NXPE4: variants seen among roughly 807,000 people sequenced by gnomAD.
NXPE4 encodes the protein NXPE family member 4.
A neutral mutation model predicts 33.3 loss-of-function variants in NXPE4; 42 were observed. The observed-to-expected ratio is 1.26, with a 90% CI of 0.98 to 1.63. The LOEUF (loss-of-function observed/expected upper bound fraction) is 1.63. NXPE4 is among the 40% of genes most tolerant of loss of function. The probability of loss-of-function intolerance (pLI) is 0.00; values close to 1 mark genes in which losing one functional copy is unlikely to be tolerated. For missense variants in NXPE4, 709 were observed against 647.6 expected (o/e 1.09, Z -1.03); for synonymous variants, 253 against 234.9 (o/e 1.08, Z -0.71).
chr11:114,619,318 G>C, the NXPE4 span, among the ~76,000 whole-genome samples: 1 of 152,154 alleles, frequency 6.6e-6, no homozygotes, highest in Non-Finnish European at 1.5e-5. Context: ...TTCCCCGCTG[G>C]ATAATAAGTG....
chr11:114,655,931 A>C, the NXPE4 span, among the ~76,000 whole-genome samples: 13 of 152,306 alleles, frequency 8.5e-5, no homozygotes, highest in Admixed American at 7.2e-4. Context: ...TGGCTAGGGC[A>C]ATCAGGCAAG....
intron 1 of NXPE4, 61 bp from the exon 2 acceptor site, chr11:114,594,830 A>C: frequency 1.2e-6 from 1 of 869,494 alleles, no homozygotes; most frequent in Non-Finnish European, 1.8e-6. Context: ...AAGCAAACAA[A>C]CATGGGAAAC....
chr11:114,645,226 G>A, the NXPE4 span, among the ~76,000 whole-genome samples: 2 of 151,990 alleles, frequency 1.3e-5, no homozygotes, highest in African/African-American at 4.8e-5. Context: ...ACTTGAACCC[G>A]AGAGGCAGAA....
chr11:114,592,337 A>G (rs1246865310), intron 2 of NXPE4, among the ~76,000 whole-genome samples: 1 of 152,168 alleles, frequency 6.6e-6, no homozygotes, highest in East Asian at 1.9e-4. Flanking sequence ...TGCAGGATAC[A>G]AAATCAACAT....
the NXPE4 span, among the ~76,000 whole-genome samples, chr11:114,650,297 C>T: frequency 2.0e-5 from 3 of 152,158 alleles, no homozygotes; most frequent in Non-Finnish European, 4.4e-5. Context: ...AATTGTTAAA[C>T]GCCAAATGTG....
chr11:114,633,570 G>A, the NXPE4 span, among the ~76,000 whole-genome samples: 3 of 151,136 alleles, frequency 2.0e-5, no homozygotes, highest in Admixed American at 6.6e-5. Flanking sequence ...CCATTGACTC[G>A]TCATTTAGCA....
the NXPE4 span, among the ~76,000 whole-genome samples, chr11:114,672,396 TAAATC>T: frequency 0.18 from 26,644 of 151,320 alleles, 2,840 homozygotes; most frequent in East Asian, 0.35. Flanking sequence ...TAATGCAAAA[TAAATC>T]AGTAAAGGAA....
the NXPE4 span, among the ~76,000 whole-genome samples, chr11:114,666,349 A>G: frequency 6.6e-6 from 1 of 152,178 alleles, no homozygotes; most frequent in Admixed American, 6.6e-5. Flanking sequence ...TAAAAGTCCC[A>G]CAGATCCATA....
chr11:114,655,008 C>T, the NXPE4 span, among the ~76,000 whole-genome samples: 3 of 152,154 alleles, frequency 2.0e-5, no homozygotes, highest in Non-Finnish European at 4.4e-5. Flanking sequence ...TTAATAATCA[C>T]CATTCTGACT....
chr11:114,615,587 T>C, the NXPE4 span, among the ~76,000 whole-genome samples: 9 of 148,030 alleles, frequency 6.1e-5, no homozygotes, highest in African/African-American at 2.1e-4. Context: ...ACCTGGTGAA[T>C]AATATTTGCT....
At chr11:114,606,748 TAAG>T in the NXPE4 span, among the ~76,000 whole-genome samples, 1 of 151,926 alleles carries the variant, frequency 6.6e-6, no homozygotes, top group Non-Finnish European at 1.5e-5. Flanking sequence ...TGCTGGATAA[TAAG>T]TAGTACCACA....
rs762268259 is a variant in NXPE4 at position 114,571,073 on chromosome 11, C to G, written c.1500G>C (p.Lys500Asn). The G allele has an allele frequency of 6.2e-7, 1 of 1,613,962 alleles. No homozygotes were observed. Among genetic ancestry groups the G allele is most frequent in the Non-Finnish European group, 8.5e-7 (1 of 1,179,912 alleles). ...TCACACTGAGATCCTGGAAAATGTC[C>G]TTTATGATGAGATATTGAATGTAAC... is the stretch of plus-strand genomic sequence containing the variant. ...FHGYIQYLII[K>N]DIFQDLSVSI... Residue 500 changes from lysine (K) to asparagine (N), a missense_variant, in exon 6 of 6, where the codon AAG becomes AAC. By Grantham distance (94) the Lys-to-Asn change is moderately conservative. Transcript: ENST00000375478.
the NXPE4 span, among the ~76,000 whole-genome samples, chr11:114,638,777 C>A: frequency 6.6e-6 from 1 of 151,896 alleles, no homozygotes; most frequent in Non-Finnish European, 1.5e-5. Context: ...TGCAGAACAG[C>A]GGATTTTCGT....
At chr11:114,632,109 TAA>T in the NXPE4 span, among the ~76,000 whole-genome samples, 2 of 144,584 alleles carry the variant, frequency 1.4e-5, no homozygotes. Flanking sequence ...ATGTAATATA[TAA>T]ATTATATATT....
chr11:114,579,085 G>C (rs922998536), intron 5 of NXPE4, among the ~76,000 whole-genome samples: 2 of 152,174 alleles, frequency 1.3e-5, no homozygotes, highest in African/African-American at 4.8e-5. Context: ...GGCTGTACAA[G>C]CATGGCATCG....
upstream of NXPE4, among the ~76,000 whole-genome samples, chr11:114,599,984 A>G (rs1348732035): frequency 6.6e-6 from 1 of 152,172 alleles, no homozygotes; most frequent in Non-Finnish European, 1.5e-5. Context: ...AAATGGGGTA[A>G]AATAAACAGC....
the NXPE4 span, among the ~76,000 whole-genome samples, chr11:114,625,371 G>A: frequency 2.6e-5 from 4 of 152,222 alleles, no homozygotes; most frequent in African/African-American, 9.6e-5. Context: ...TGCCTCTTGG[G>A]TAACCACTGT....
chr11:114,614,121 G>C, the NXPE4 span, among the ~76,000 whole-genome samples: 179 of 146,318 alleles, frequency 1.2e-3, no homozygotes, highest in Middle Eastern at 8.8e-3. Flanking sequence ...TGGGTAACCA[G>C]TGTTACCTGC....
chr11:114,584,263 T>C, intron 2 of NXPE4: 1 of 493,864 alleles, frequency 2.0e-6, no homozygotes, highest in African/African-American at 2.0e-5. Context: ...CTTTGAATAC[T>C]TTGGACCATA....
Sources: gnomAD v4.1 joint callset for allele counts (sites outside exome capture counted in the v4.1 genomes callset) on GRCh38, gnomAD v4.1.1 for gene constraint, MANE v1.5 for transcripts, NCBI Gene and HGNC (gene_info 2026-07-23, HGNC 2026-07-21) for gene names.